The following SYN3 variants were observed in gnomAD, a reference collection of about 807,000 sequenced individuals.
SYN3 encodes the protein synapsin III.
Under a neutral mutation model 65.8 loss-of-function variants are expected in SYN3, and 35 were observed. That is an observed-to-expected ratio of 0.53 (90% CI 0.41 to 0.70). The LOEUF (loss-of-function observed/expected upper bound fraction) is 0.70. Among genes scored for constraint, SYN3 ranks in the 30% least tolerant of loss-of-function variants. SYN3 has a pLI of 0.00. For missense variants in SYN3, 680 were observed against 749.0 expected, an observed-to-expected ratio of 0.91 and a Z score of 1.08; for synonymous variants, 270 against 292.9, an observed-to-expected ratio of 0.92 and a Z score of 0.80.
At chr22:32,896,521 T>A (rs2146502488) in intron 4 of SYN3, among the ~76,000 whole-genome samples, 1 of 152,290 alleles carries the variant, frequency 6.6e-6, no homozygotes, top group East Asian at 1.9e-4. Context: ...GCTAAAAACT[T>A]AACTGCCTCC....
intron 10 of SYN3, among the ~76,000 whole-genome samples, chr22:32,530,775 C>A (rs973072430): frequency 6.6e-6 from 1 of 151,882 alleles, no homozygotes; most frequent in African/African-American, 2.4e-5. Flanking sequence ...GAGGCCGGGG[C>A]GGGCGGATCA....
Position 32,800,536 on chromosome 22 carries a change from T to C in SYN3, c.711+64379A>G, listed in dbSNP as rs145606437. ...TATAATACGGTGAGATACAGAATCC[T>C]GCTTTTAAAAATACAAAGCAGAATC... On this transcript the variant is annotated intron_variant, in intron 6 of 13. Transcript: ENST00000358763. 1.3e-3 allele frequency among the ~76,000 whole-genome samples: 198 copies of C among 152,368 alleles called. 1 individual carries two copies. The highest frequency in any genetic ancestry group is 4.1e-3 in the African/African-American group (170 of 41,588).
chr22:32,889,894 A>G (rs1416121598), intron 4 of SYN3, among the ~76,000 whole-genome samples: 1 of 151,926 alleles, frequency 6.6e-6, no homozygotes, highest in African/African-American at 2.4e-5. Context: ...TGAATGTATA[A>G]AGGTATGTTG....
At chr22:32,912,748 G>C (rs1362866445) in intron 4 of SYN3, among the ~76,000 whole-genome samples, 1 of 151,898 alleles carries the variant, frequency 6.6e-6, no homozygotes, top group Non-Finnish European at 1.5e-5. Flanking sequence ...ACTCTAACAA[G>C]GCTACATACT....
At chr22:32,743,777 G>A (rs773652881) in intron 6 of SYN3, among the ~76,000 whole-genome samples, 1 of 151,998 alleles carries the variant, frequency 6.6e-6, no homozygotes, top group Non-Finnish European at 1.5e-5. Flanking sequence ...GAGACTGGGC[G>A]GCCTGAGGCA....
intron 4 of SYN3, among the ~76,000 whole-genome samples, chr22:32,922,309 A>C (rs1279734366): frequency 6.6e-6 from 1 of 152,160 alleles, no homozygotes; most frequent in Non-Finnish European, 1.5e-5. Flanking sequence ...ACTGGATGTC[A>C]TTACCCCATC....
At chr22:32,826,877 A>C (rs1159446800) in intron 6 of SYN3, among the ~76,000 whole-genome samples, 1 of 152,258 alleles carries the variant, frequency 6.6e-6, no homozygotes, top group East Asian at 1.9e-4. Context: ...TGACAACCCT[A>C]GGAGCCTGCT....
intron 5 of SYN3, 97 bp downstream of exon 5, chr22:32,868,869 T>C: frequency 8.7e-7 from 1 of 1,153,556 alleles, no homozygotes; most frequent in African/African-American, 1.6e-5. Flanking sequence ...GAATTTTTAC[T>C]ACTGAGGCCT....
At chr22:32,962,627 C>A (rs2051691250) in intron 3 of SYN3, among the ~76,000 whole-genome samples, 1 of 152,118 alleles carries the variant, frequency 6.6e-6, no homozygotes, top group South Asian at 2.1e-4. Flanking sequence ...AGCTTGGGAG[C>A]CAGACGGAAG....
At chr22:32,597,597 T>C in intron 6 of SYN3, among the ~76,000 whole-genome samples, 1 of 152,218 alleles carries the variant, frequency 6.6e-6, no homozygotes, top group Admixed American at 6.5e-5. Flanking sequence ...CATACGAGGC[T>C]GCTTAATAAT....
At chr22:32,826,318 A>C (rs907668779) in intron 6 of SYN3, among the ~76,000 whole-genome samples, 2 of 152,154 alleles carry the variant, frequency 1.3e-5, no homozygotes, top group Non-Finnish European at 2.9e-5. Context: ...AATCCCAGCC[A>C]TTCAGGAGGC....
chr22:33,007,457 C>T (rs1453837790), intron 1 of SYN3, among the ~76,000 whole-genome samples: 1 of 152,080 alleles, frequency 6.6e-6, no homozygotes, highest in African/African-American at 2.4e-5. Flanking sequence ...CCCCACCTCA[C>T]CAAATTTATA....
At position 32,877,207 on chromosome 22, in the gene SYN3, T is replaced by C. The variant is rs569009734; in HGVS notation, c.462-8082A>G. ...AGCCCCCAGATCAGATGGCTTCTTC[T>C]GTGTCCTTACCTTACCCAATTTCTA... On this transcript the variant is annotated intron_variant, in intron 4 of 13. Coordinates refer to ENST00000358763, the MANE Select transcript of SYN3 (RefSeq NM_003490.4). 3.9e-5 allele frequency among the ~76,000 whole-genome samples: 6 copies of C among 152,382 alleles called. No individual in the cohort carries two copies. The South Asian group carries it at 6.2e-4, about 16-fold the overall frequency.
At chr22:32,979,607 G>A (rs2052312652) in intron 3 of SYN3, among the ~76,000 whole-genome samples, 1 of 152,178 alleles carries the variant, frequency 6.6e-6, no homozygotes, top group Admixed American at 6.5e-5. Context: ...GTTATTTACT[G>A]TTTGCCTTTG....
At chr22:32,775,218 T>C (rs918369647) in intron 6 of SYN3, among the ~76,000 whole-genome samples, 21 of 152,082 alleles carry the variant, frequency 1.4e-4, no homozygotes, top group African/African-American at 4.8e-4. Context: ...AGGGAGCAAG[T>C]TCTCTAGAGT....
intron 6 of SYN3, among the ~76,000 whole-genome samples, chr22:32,819,912 A>G (rs558416085): frequency 5.9e-5 from 9 of 152,288 alleles, no homozygotes; most frequent in African/African-American, 1.4e-4. Context: ...GCCCAAGGGA[A>G]GTTCTCGCAA....
In SYN3 at chr22:32,670,385, C is replaced by G. The variant is rs1318813751; in HGVS notation, c.712-73649G>C. On this transcript the variant is annotated intron_variant, in intron 6 of 13. Coordinates refer to ENST00000358763, the MANE Select transcript of SYN3 (RefSeq NM_003490.4). ...TACACTGGTATATTTTGGCTTTAGG[C>G]TATAGGGGGGAAAAGATCCTGCTTA... Among the ~76,000 whole-genome samples, 15 of 152,232 alleles carry G rather than the reference C, an allele frequency of 9.9e-5. No homozygotes were observed. The South Asian group carries it at 1.0e-3, about 11-fold the overall frequency.
chr22:32,588,676 A>G (rs1187100029), intron 7 of SYN3, among the ~76,000 whole-genome samples: 1 of 152,204 alleles, frequency 6.6e-6, no homozygotes, highest in Non-Finnish European at 1.5e-5. Flanking sequence ...AAAGTTAAGC[A>G]ACTTGCCCAA....
At chr22:32,720,294 C>T (rs566104839) in intron 6 of SYN3, among the ~76,000 whole-genome samples, 1 of 152,288 alleles carries the variant, frequency 6.6e-6, no homozygotes, top group Non-Finnish European at 1.5e-5. Context: ...CGTCTAAGGC[C>T]TTTGGGCTCC....
Sources: allele counts gnomAD v4.1 joint callset (sites outside exome capture counted in the v4.1 genomes callset), GRCh38; gene constraint gnomAD v4.1.1; transcripts MANE v1.5; gene names NCBI Gene and HGNC (gene_info 2026-07-23, HGNC 2026-07-21).